Variants in RORA observed in about 807,000 individuals in gnomAD.
RORA encodes the protein RAR related orphan receptor A.
RORA carries 7 observed loss-of-function variants against 69.5 expected under a neutral mutation model. The ratio of observed to expected loss-of-function variants is 0.10; its 90% CI spans 0.06 to 0.19. The LOEUF (loss-of-function observed/expected upper bound fraction) is 0.19, where lower values mean the gene tolerates loss of function less well. Ranked by LOEUF, RORA falls within the 10% of genes least tolerant of loss-of-function variation. The probability of loss-of-function intolerance (pLI) is 1.00; values close to 1 mark genes in which losing one functional copy is unlikely to be tolerated. For missense variants in RORA, 457 were observed against 663.0 expected, an observed-to-expected ratio of 0.69 and a Z score of 3.41; for synonymous variants, 261 against 240.8, an observed-to-expected ratio of 1.08 and a Z score of -0.78.
chr15:60,906,017 T>G (rs1891527120), intron 1 of RORA, among the ~76,000 whole-genome samples: 1 of 152,322 alleles, frequency 6.6e-6, no homozygotes, highest in Non-Finnish European at 1.5e-5. Context: ...TCTCTTTTAA[T>G]GAGATCTTGT....
intron 1 of RORA, among the ~76,000 whole-genome samples, chr15:60,934,998 G>A (rs1393366698): frequency 1.3e-5 from 2 of 152,192 alleles, no homozygotes; most frequent in African/African-American, 4.8e-5. Flanking sequence ...CACATTATAA[G>A]CTCATTTAAT....
intron 1 of RORA, among the ~76,000 whole-genome samples, chr15:61,023,894 T>C (rs890189911): frequency 1.6e-4 from 25 of 152,152 alleles, no homozygotes; most frequent in African/African-American, 6.0e-4. Context: ...AGCAGAAGTA[T>C]CCAATTTGTA....
chr15:60,828,358 G>A (rs2072994100), intron 1 of RORA, among the ~76,000 whole-genome samples: 1 of 152,210 alleles, frequency 6.6e-6, no homozygotes, highest in Admixed American at 6.5e-5. Flanking sequence ...AAAGTCTTGG[G>A]TTGGGCCCAA....
chr15:60,741,174 G>A (rs985991459), intron 1 of RORA, among the ~76,000 whole-genome samples: 3 of 152,190 alleles, frequency 2.0e-5, no homozygotes, highest in Non-Finnish European at 2.9e-5. Flanking sequence ...TGTGGGACAG[G>A]AAGAGAAAGT....
At chr15:61,079,000 CACAAGTGGTAGGT>C (rs1411327747) in intron 1 of RORA, among the ~76,000 whole-genome samples, 12 of 152,108 alleles carry the variant, frequency 7.9e-5, no homozygotes, top group Non-Finnish European at 1.6e-4. Flanking sequence ...CCTACCTTTC[CACAAGTGGTAGGT>C]ACAAGTGATT....
intron 5 of RORA, among the ~76,000 whole-genome samples, chr15:60,510,250 A>T (rs748130552): frequency 2.2e-4 from 34 of 152,218 alleles, no homozygotes; most frequent in Non-Finnish European, 4.7e-4. Flanking sequence ...AGGAACCACC[A>T]GGAGGAGCAG....
At chr15:61,083,126 G>GGCT (rs935762825) in intron 1 of RORA, among the ~76,000 whole-genome samples, 4 of 152,178 alleles carry the variant, frequency 2.6e-5, no homozygotes, top group African/African-American at 9.7e-5. Context: ...GGAGGACAAG[G>GGCT]GCTGCGCCTG....
chr15:60,816,169 A>T (rs2072814747), intron 1 of RORA, among the ~76,000 whole-genome samples: 2 of 74,540 alleles, frequency 2.7e-5, no homozygotes, highest in African/African-American at 1.1e-4. Flanking sequence ...TATATACTGT[A>T]AACAGTATAT....
intron 1 of RORA, among the ~76,000 whole-genome samples, chr15:61,037,070 G>C (rs1896494492): frequency 1.3e-5 from 2 of 152,108 alleles, no homozygotes; most frequent in African/African-American, 2.4e-5. Context: ...CTAGACTATA[G>C]GAATTCAAAT....
intron 1 of RORA, among the ~76,000 whole-genome samples, chr15:60,846,569 G>A (rs1247295527): frequency 1.3e-5 from 2 of 152,174 alleles, no homozygotes; most frequent in African/African-American, 2.4e-5. Flanking sequence ...TGACTGAAGC[G>A]CTAAAGCACC....
intron 5 of RORA, among the ~76,000 whole-genome samples, chr15:60,506,461 G>A (rs1480841331): frequency 2.0e-5 from 3 of 152,172 alleles, no homozygotes; most frequent in Admixed American, 6.5e-5. Context: ...TGGTGAACAC[G>A]TATGAACACA....
chr15:60,515,072 G>C (rs2065820045), intron 3 of RORA, among the ~76,000 whole-genome samples: 1 of 152,134 alleles, frequency 6.6e-6, no homozygotes, highest in African/African-American at 2.4e-5. Context: ...TGTGCCTGAT[G>C]GAATGATACA....
chr15:60,886,469 C>T (rs988879303), intron 1 of RORA, among the ~76,000 whole-genome samples: 1 of 152,142 alleles, frequency 6.6e-6, no homozygotes, highest in African/African-American at 2.4e-5. Context: ...ATGAAAGGCC[C>T]GAATTCCATG....
chr15:60,895,030 G>A (rs141915873), intron 1 of RORA, among the ~76,000 whole-genome samples: 1 of 152,120 alleles, frequency 6.6e-6, no homozygotes, highest in African/African-American at 2.4e-5. Flanking sequence ...AACACCAGAA[G>A]GCTTAAAAAC....
Position 61,053,219 on chromosome 15 carries a change from T to C in RORA, c.166+175834A>G, listed in dbSNP as rs149990028. Among the ~76,000 whole-genome samples the C allele has an allele frequency of 5.1e-3, 776 of 152,274 alleles. 3 individuals carry two copies. Among genetic ancestry groups the C allele is most frequent in the Middle Eastern group, 0.034 (10 of 294 alleles). ...TCCTCATATTTTAAGGTGTTCATTG[T>C]AATGTACTGTTACTGTTTGCATACA... On this transcript the variant is annotated intron_variant, in intron 1 of 10. Coordinates refer to ENST00000335670, the MANE Select transcript of RORA (RefSeq NM_134261.3).
rs537186964 is a variant in RORA at position 61,213,162 on chromosome 15, G to C, written c.166+15891C>G. ...CTACACTGTCCCAGCCAATAATCCC[G>C]GCCCACACTCTGCACTTGACTCCTG... On this transcript the variant is annotated intron_variant, in intron 1 of 10. Transcript: ENST00000335670. The surrounding 1 kb of genome is among the most constrained non-coding windows in gnomAD (Gnocchi z 4.1). Among the ~76,000 whole-genome samples the C allele has an allele frequency of 6.6e-6, 1 of 151,738 alleles. No homozygotes were observed. The highest frequency in any genetic ancestry group is 2.4e-5 in the African/African-American group (1 of 41,264).
At chr15:61,190,282 T>C (rs2079785195) in intron 1 of RORA, among the ~76,000 whole-genome samples, 2 of 152,174 alleles carry the variant, frequency 1.3e-5, no homozygotes, top group Non-Finnish European at 2.9e-5. Flanking sequence ...CAAGGGGCAT[T>C]TTCCTATTAA....
chr15:60,634,993 C>T (rs2069809523), intron 2 of RORA, among the ~76,000 whole-genome samples: 1 of 152,172 alleles, frequency 6.6e-6, no homozygotes, highest in Non-Finnish European at 1.5e-5. Context: ...GGTTAGCAAG[C>T]CCAGAGCCCT....
At chr15:60,873,075 A>C (rs1567221112) in intron 1 of RORA, among the ~76,000 whole-genome samples, 2 of 151,686 alleles carry the variant, frequency 1.3e-5, no homozygotes, top group Non-Finnish European at 2.9e-5. Flanking sequence ...TTCTTCCTTG[A>C]TCTTTTGTCT....
Sources: gnomAD v4.1 joint callset for allele counts (sites outside exome capture counted in the v4.1 genomes callset) on GRCh38, gnomAD v4.1.1 for gene constraint, Gnocchi (gnomAD v3.1) non-coding constraint, MANE v1.5 for transcripts, NCBI Gene and HGNC (gene_info 2026-07-23, HGNC 2026-07-21) for gene names.